The following MATCAP2 variants were observed in gnomAD, a reference collection of about 807,000 sequenced individuals.
MATCAP2 encodes microtubule associated tyrosine carboxypeptidase 2.
the MATCAP2 span, among the ~76,000 whole-genome samples, chr7:36,346,910 G>A: frequency 4.7e-3 from 721 of 152,134 alleles, 5 homozygotes; most frequent in African/African-American, 0.017. Context: ...ATAGGTGCCC[G>A]CCACCACACT....
the MATCAP2 span, among the ~76,000 whole-genome samples, chr7:36,345,366 G>A: frequency 1.3e-5 from 2 of 152,144 alleles, no homozygotes; most frequent in African/African-American, 4.8e-5. Flanking sequence ...TTGAAGAAGA[G>A]AATATTTTAA....
the MATCAP2 span, among the ~76,000 whole-genome samples, chr7:36,361,157 A>G: frequency 6.6e-6 from 1 of 152,224 alleles, no homozygotes; most frequent in East Asian, 1.9e-4. Context: ...TATATCTAGA[A>G]CAGGAGAAAA....
the MATCAP2 span, among the ~76,000 whole-genome samples, chr7:36,372,909 A>C: frequency 6.6e-6 from 1 of 152,204 alleles, no homozygotes; most frequent in African/African-American, 2.4e-5. Context: ...GTTCGAGACC[A>C]TCCTGGCCAA....
the MATCAP2 span, among the ~76,000 whole-genome samples, chr7:36,388,360 A>G: frequency 2.0e-5 from 3 of 152,082 alleles, no homozygotes; most frequent in African/African-American, 7.2e-5. Context: ...CCTGACCCCA[A>G]GCAATATTTC....
the MATCAP2 span, among the ~76,000 whole-genome samples, chr7:36,382,094 A>T: frequency 6.6e-6 from 1 of 151,816 alleles, no homozygotes; most frequent in Non-Finnish European, 1.5e-5. Flanking sequence ...GGAGTTCAAG[A>T]CCAGCCTGGC....
the MATCAP2 span, chr7:36,330,944 G>T: frequency 8.6e-7 from 1 of 1,162,604 alleles, no homozygotes; most frequent in Non-Finnish European, 1.3e-6. Flanking sequence ...ATGCTGATCT[G>T]GGGTGTTCGG....
the MATCAP2 span, among the ~76,000 whole-genome samples, chr7:36,386,977 A>T: frequency 6.6e-6 from 1 of 152,204 alleles, no homozygotes; most frequent in Non-Finnish European, 1.5e-5. Context: ...TTGGAATGAA[A>T]AACTGGAAAT....
At chr7:36,389,227 A>AT in the MATCAP2 span, among the ~76,000 whole-genome samples, 1 of 151,596 alleles carries the variant, frequency 6.6e-6, no homozygotes, top group African/African-American at 2.4e-5. Flanking sequence ...TGCCTATCTA[A>AT]TTTTTTTGTA....
At chr7:36,362,293 C>T in the MATCAP2 span, among the ~76,000 whole-genome samples, 15 of 152,266 alleles carry the variant, frequency 9.9e-5, no homozygotes, top group African/African-American at 3.6e-4. Flanking sequence ...AGACGAAAGG[C>T]ACTGCTAATG....
the MATCAP2 span, among the ~76,000 whole-genome samples, chr7:36,340,094 C>A: frequency 1.3e-5 from 2 of 152,180 alleles, no homozygotes; most frequent in Non-Finnish European, 2.9e-5. Flanking sequence ...GAACTCCTGG[C>A]CTCAAGTGAT....
At chr7:36,343,529 G>A in the MATCAP2 span, among the ~76,000 whole-genome samples, 1 of 10,444 alleles carries the variant, frequency 9.6e-5, no homozygotes, top group Non-Finnish European at 2.3e-4. Flanking sequence ...AGGGGAGAGG[G>A]GAGGGGAGGG....
the MATCAP2 span, among the ~76,000 whole-genome samples, chr7:36,358,147 G>A: frequency 6.6e-6 from 1 of 151,814 alleles, no homozygotes; most frequent in South Asian, 2.1e-4. Flanking sequence ...GCTGTGAGCT[G>A]AGATCGCACC....
chr7:36,376,120 T>C, the MATCAP2 span, among the ~76,000 whole-genome samples: 1 of 152,238 alleles, frequency 6.6e-6, no homozygotes, highest in African/African-American at 2.4e-5. Context: ...AGTTATTTCT[T>C]GCCTTCTGCT....
chr7:36,324,550 G>A, the MATCAP2 span: 1 of 152,004 alleles, frequency 6.6e-6, no homozygotes. Context: ...AAGTACTGTT[G>A]CTATAATTTT....
chr7:36,383,665 G>C, the MATCAP2 span, among the ~76,000 whole-genome samples: 1 of 152,152 alleles, frequency 6.6e-6, no homozygotes, highest in Non-Finnish European at 1.5e-5. Context: ...GTCTGTAGGG[G>C]GGTGGAGAGT....
the MATCAP2 span, among the ~76,000 whole-genome samples, chr7:36,371,839 G>A: frequency 1.3e-5 from 2 of 151,858 alleles, no homozygotes; most frequent in Non-Finnish European, 2.9e-5. Flanking sequence ...TAACTCCTGG[G>A]CTCAAGCGAT....
the MATCAP2 span, among the ~76,000 whole-genome samples, chr7:36,383,613 T>C: frequency 6.6e-6 from 1 of 152,058 alleles, no homozygotes; most frequent in East Asian, 1.9e-4. Context: ...AGTTGAACAA[T>C]GAGAATGCAT....
At chr7:36,324,803 A>T in the MATCAP2 span, 423 of 152,338 alleles carry the variant, frequency 2.8e-3, 1 homozygote, top group African/African-American at 9.7e-3. Flanking sequence ...CAAAGCAGTA[A>T]GGCAAAAAAG....
the MATCAP2 span, among the ~76,000 whole-genome samples, chr7:36,342,901 T>C: frequency 2.0e-5 from 3 of 152,144 alleles, no homozygotes; most frequent in Non-Finnish European, 2.9e-5. Context: ...GTTAGAATTA[T>C]AGGCGTGAGC....
Sources: gnomAD v4.1 joint callset for allele counts (sites outside exome capture counted in the v4.1 genomes callset) on GRCh38, gnomAD v4.1.1 for gene constraint, MANE v1.5 for transcripts, NCBI Gene and HGNC (gene_info 2026-07-23, HGNC 2026-07-21) for gene names.